Variants in SORCS3 observed in about 807,000 individuals in gnomAD.
SORCS3 encodes the protein VPS10 domain-containing receptor SorCS3.
Under a neutral mutation model 146.3 loss-of-function variants are expected in SORCS3, and 57 were observed. The ratio of observed to expected loss-of-function variants is 0.39; its 90% confidence interval spans 0.31 to 0.49. The LOEUF (loss-of-function observed/expected upper bound fraction) is 0.49. Ranked by LOEUF, SORCS3 falls within the 20% of genes least tolerant of loss-of-function variation. The pLI, the probability that SORCS3 is intolerant of heterozygous loss-of-function variation, is 0.92. For synonymous variants in SORCS3, 653 were observed against 618.5 expected (o/e 1.06, Z -0.83); for missense variants, 1,341 against 1,575.5 (o/e 0.85, Z 2.52).
At chr10:104,681,018 T>G (rs979031372) in intron 1 of SORCS3, among the ~76,000 whole-genome samples, 2 of 152,150 alleles carry the variant, frequency 1.3e-5, no homozygotes, top group African/African-American at 4.8e-5. Context: ...GACCCCACCT[T>G]CCGCAGAGCT....
At chr10:105,104,829 A>T (rs1043178021) in intron 6 of SORCS3, among the ~76,000 whole-genome samples, 4 of 152,208 alleles carry the variant, frequency 2.6e-5, no homozygotes, top group Non-Finnish European at 4.4e-5. Flanking sequence ...AGAAATTACC[A>T]TGTTGAAGCA....
chr10:105,119,898 T>C (rs2055919683), intron 7 of SORCS3, among the ~76,000 whole-genome samples: 1 of 152,200 alleles, frequency 6.6e-6, no homozygotes, highest in African/African-American at 2.4e-5. Context: ...CTTGGACTTC[T>C]GGGTTAATTC....
At chr10:104,995,211 G>A (rs1337783477) in intron 4 of SORCS3, among the ~76,000 whole-genome samples, 1 of 145,854 alleles carries the variant, frequency 6.9e-6, no homozygotes, top group Non-Finnish European at 1.5e-5. Flanking sequence ...CCAGGCTGGA[G>A]TACAGTGGCA....
intron 4 of SORCS3, among the ~76,000 whole-genome samples, chr10:105,031,355 ACACACAC>A (rs1454004408): frequency 6.6e-6 from 1 of 151,396 alleles, no homozygotes; most frequent in Non-Finnish European, 1.5e-5. Context: ...ACACACACAC[ACACACAC>A]AAAAACATGT....
chr10:104,880,672 A>G (rs1348753551), intron 2 of SORCS3, among the ~76,000 whole-genome samples: 11 of 152,136 alleles, frequency 7.2e-5, no homozygotes, highest in Non-Finnish European at 1.5e-5. Context: ...TGCTGGAGAA[A>G]GGAAACATTC....
At chr10:104,653,407 A>C (rs1286885284) in intron 1 of SORCS3, among the ~76,000 whole-genome samples, 5 of 151,694 alleles carry the variant, frequency 3.3e-5, no homozygotes, top group Non-Finnish European at 5.9e-5. Context: ...TGAGATTTCT[A>C]TTTATTTTAC....
chr10:104,745,981 G>T (rs1319038566), intron 1 of SORCS3, among the ~76,000 whole-genome samples: 1 of 151,946 alleles, frequency 6.6e-6, no homozygotes, highest in Non-Finnish European at 1.5e-5. Context: ...ATTCAGCCAT[G>T]GGTGGACACT....
At chr10:104,953,876 CA>C (rs1418361770) in intron 3 of SORCS3, among the ~76,000 whole-genome samples, 2 of 152,150 alleles carry the variant, frequency 1.3e-5, no homozygotes, top group African/African-American at 4.8e-5. Context: ...CAATAAATGA[CA>C]CAAAAGCATA....
intron 1 of SORCS3, among the ~76,000 whole-genome samples, chr10:104,793,283 C>T (rs548766245): frequency 6.6e-6 from 1 of 152,046 alleles, no homozygotes; most frequent in Non-Finnish European, 1.5e-5. Context: ...GCCAGTAACC[C>T]GTGAACCTAT....
At chr10:105,071,350 G>A (rs945410846) in intron 5 of SORCS3, among the ~76,000 whole-genome samples, 1 of 152,200 alleles carries the variant, frequency 6.6e-6, no homozygotes, top group Admixed American at 6.5e-5. Flanking sequence ...TGAAGCACAC[G>A]AGCTTCCTGG....
chr10:105,150,310 A>G lies in SORCS3; in HGVS notation c.1482+2514A>G, dbSNP rs112950878. On this transcript the variant is annotated intron_variant, in intron 9 of 26. Coordinates refer to ENST00000369701, the MANE Select transcript of SORCS3 (RefSeq NM_014978.3). ...CTGTACCCCAGAATTGAATTCATCC[A>G]TTCAGTCCCAGACAGAAATGATAAA... Among the ~76,000 whole-genome samples, 774 of 152,286 alleles carry G rather than the reference A, an allele frequency of 5.1e-3. 10 individuals carry two copies. Among genetic ancestry groups the G allele is most frequent in the African/African-American group, 0.018 (748 of 41,560 alleles).
intron 4 of SORCS3, among the ~76,000 whole-genome samples, chr10:105,028,786 A>G (rs1344427798): frequency 2.0e-5 from 3 of 152,294 alleles, no homozygotes; most frequent in Non-Finnish European, 4.4e-5. Flanking sequence ...TTATTGTTAT[A>G]TGCTTTGGGC....
intron 2 of SORCS3, among the ~76,000 whole-genome samples, chr10:104,871,949 T>G (rs1979636): frequency 0.84 from 127,545 of 152,012 alleles, 53,971 homozygotes; most frequent in East Asian, 0.98. Flanking sequence ...TTGGAACACA[T>G]CTGTACTGTA....
At chr10:105,215,000 C>A (rs1188410505) in intron 18 of SORCS3, among the ~76,000 whole-genome samples, 1 of 152,168 alleles carries the variant, frequency 6.6e-6, no homozygotes, top group Non-Finnish European at 1.5e-5. Context: ...TTGCTTTATT[C>A]TGACCCTTAA....
intron 5 of SORCS3, among the ~76,000 whole-genome samples, chr10:105,066,107 C>T (rs1470803541): frequency 6.6e-6 from 1 of 152,120 alleles, no homozygotes; most frequent in Non-Finnish European, 1.5e-5. Context: ...AGCTAATACT[C>T]AGAAAGAGTT....
chr10:104,719,078 T>C (rs566836093), intron 1 of SORCS3, among the ~76,000 whole-genome samples: 45 of 152,290 alleles, frequency 3.0e-4, no homozygotes, highest in African/African-American at 1.0e-3. Context: ...GTGTAATTAC[T>C]ATAAAAATAT....
rs916457038 is a variant in SORCS3, at chr10:104,697,665, G to C, written c.627+55711G>C. On this transcript the variant is annotated intron_variant, in intron 1 of 26. Coordinates refer to ENST00000369701, the MANE Select transcript of SORCS3 (RefSeq NM_014978.3). ...GAGTGCATTTATGGATGATCACAGG[G>C]CTGTCACCCAAGCCTGTTAAAATGT... Among the ~76,000 whole-genome samples the C allele has an allele frequency of 2.0e-5, 3 of 152,222 alleles. No individual in the cohort carries two copies. In the South Asian group the frequency reaches 6.2e-4, roughly 32 times the overall value.
chr10:104,966,888 A>G (rs2054828918), intron 3 of SORCS3, among the ~76,000 whole-genome samples: 1 of 152,152 alleles, frequency 6.6e-6, no homozygotes, highest in Non-Finnish European at 1.5e-5. Context: ...GCAATTTGCA[A>G]TATACCATTA....
At chr10:104,696,335 G>GAT (rs2016191320) in intron 1 of SORCS3, among the ~76,000 whole-genome samples, 1 of 1,800 alleles carries the variant, frequency 5.6e-4, no homozygotes, top group Non-Finnish European at 1.4e-3. Flanking sequence ...ATACACATAT[G>GAT]ATATATGATA....
Sources: allele counts gnomAD v4.1 joint callset (sites outside exome capture counted in the v4.1 genomes callset), GRCh38; gene constraint gnomAD v4.1.1; transcripts MANE v1.5; gene names NCBI Gene and HGNC (gene_info 2026-07-23, HGNC 2026-07-21).